Variants in PBRM1 observed in about 807,000 individuals in gnomAD.
The protein encoded by PBRM1 is polybromo 1.
In PBRM1, 27 loss-of-function variants were observed where a neutral mutation model predicts 194.5. That is an observed-to-expected ratio of 0.14 (90% CI 0.10 to 0.19). The LOEUF (loss-of-function observed/expected upper bound fraction) is 0.19, where lower values mean the gene tolerates loss of function less well. Ranked by LOEUF, PBRM1 falls within the 10% of genes least tolerant of loss-of-function variation. The pLI is 1.00. For synonymous variants in PBRM1, 655 were observed against 693.2 expected, an observed-to-expected ratio of 0.94 and a Z score of 0.87; for missense variants, 1,466 against 2,077.2, an observed-to-expected ratio of 0.71 and a Z score of 5.72.
chr3:52,594,543 G>C (rs1476837370), intron 17 of PBRM1, among the ~76,000 whole-genome samples: 7 of 152,140 alleles, frequency 4.6e-5, no homozygotes, highest in Admixed American at 4.6e-4. Context: ...TATCCAGCTT[G>C]CCACTCTTGT....
chr3:52,644,073 C>T (rs1363953429), intron 8 of PBRM1, among the ~76,000 whole-genome samples: 3 of 151,516 alleles, frequency 2.0e-5, no homozygotes, highest in African/African-American at 7.3e-5. Context: ...ATACATACTA[C>T]TAATATTATA....
intron 20 of PBRM1, among the ~76,000 whole-genome samples, chr3:52,581,373 G>A (rs568518778): frequency 6.6e-6 from 1 of 152,154 alleles, no homozygotes; most frequent in African/African-American, 2.4e-5. Context: ...AGCCAGGCAT[G>A]ATGGTGCGCG....
intron 23 of PBRM1, 33 bp downstream of exon 25, chr3:52,564,017 T>C (rs779525149): frequency 6.8e-7 from 1 of 1,464,648 alleles, no homozygotes; most frequent in South Asian, 1.2e-5. Context: ...TTAATGGAAG[T>C]GCTCTTTTTT....
chr3:52,664,900 G>C (rs2096800514), intron 3 of PBRM1, among the ~76,000 whole-genome samples: 1 of 152,056 alleles, frequency 6.6e-6, no homozygotes, highest in Admixed American at 6.6e-5. Flanking sequence ...TTCCAAAGAT[G>C]ATGAGAAACA....
intron 29 of PBRM1, 57 bp from the exon 32 acceptor site, chr3:52,548,292 C>T: frequency 7.1e-7 from 1 of 1,406,670 alleles, no homozygotes; most frequent in African/African-American, 1.5e-5. Context: ...CAAAATTTCC[C>T]TCAGTTCTAA....
chr3:52,650,959 C>T (rs914507565), intron 6 of PBRM1, among the ~76,000 whole-genome samples: 1 of 152,144 alleles, frequency 6.6e-6, no homozygotes, highest in Non-Finnish European at 1.5e-5. Context: ...CTACTCTGTA[C>T]AGAAACAGTA....
chr3:52,673,052 A>G (rs1380748770), intron 2 of PBRM1, among the ~76,000 whole-genome samples: 1 of 151,408 alleles, frequency 6.6e-6, no homozygotes, highest in African/African-American at 2.4e-5. Flanking sequence ...CAATGGTGCA[A>G]TCTCAGCTCA....
chr3:52,606,189 G>C (rs886618956), intron 16 of PBRM1, among the ~76,000 whole-genome samples: 1 of 151,786 alleles, frequency 6.6e-6, no homozygotes, highest in Non-Finnish European at 1.5e-5. Context: ...ATTTTAAGTA[G>C]AGCTAAGGAA....
intron 3 of PBRM1, 32 bp downstream of exon 4, chr3:52,668,466 T>C (rs374028796): frequency 2.7e-5 from 40 of 1,494,950 alleles, no homozygotes; most frequent in African/African-American, 1.0e-4. Flanking sequence ...TATCTTCCAA[T>C]TGGTATCTTT....
chr3:52,662,021 T>C (rs2096735771), intron 4 of PBRM1, 112 bp downstream of exon 5: 2 of 1,058,240 alleles, frequency 1.9e-6, no homozygotes, highest in Non-Finnish European at 2.7e-6. Context: ...CAGTTACCAA[T>C]ACAATTGCAC....
At chr3:52,556,101 G>C (rs547715898) in intron 26 of PBRM1, among the ~76,000 whole-genome samples, 1 of 152,098 alleles carries the variant, frequency 6.6e-6, no homozygotes, top group Non-Finnish European at 1.5e-5. Flanking sequence ...TCAAATAGTG[G>C]AAAACTTCAG....
chr3:52,607,839 G>GTAATTGCTGAAATA (rs2094426253), intron 16 of PBRM1, among the ~76,000 whole-genome samples: 1 of 152,136 alleles, frequency 6.6e-6, no homozygotes, highest in African/African-American at 2.4e-5. Flanking sequence ...AATTGCTGAA[G>GTAATTGCTGAAATA]AACCATATTA....
chr3:52,614,241 G>C (rs1386762583), intron 15 of PBRM1, among the ~76,000 whole-genome samples: 2 of 151,882 alleles, frequency 1.3e-5, no homozygotes, highest in Non-Finnish European at 2.9e-5. Context: ...TGGGCCTGGT[G>C]GCGTACATCT....
At chr3:52,576,333 G>A (rs992360125) in intron 22 of PBRM1, among the ~76,000 whole-genome samples, 2 of 152,040 alleles carry the variant, frequency 1.3e-5, no homozygotes, top group Admixed American at 6.6e-5. Context: ...GAAAGGTTTG[G>A]TTGTGCCCTA....
At chr3:52,685,516 G>C (rs1421922749) in intron 1 of PBRM1, 1 of 151,990 alleles carries the variant, frequency 6.6e-6, no homozygotes, top group Non-Finnish European at 1.5e-5. Flanking sequence ...GGAGCGCGGG[G>C]AGTTTCCGAC....
rs1235908018 is a variant in PBRM1 at position 52,662,402 on chromosome 3, A to G, written c.385-126T>C. ...ACAAATTTTAACATCCTCATGATTAAAACATATATGGGTCCAAATCCCGCT... is the reference window on the plus strand; with the variant it reads ...ACAAATTTTAACATCCTCATGATTAGAACATATATGGGTCCAAATCCCGCT... On this transcript the variant is annotated intron_variant, in intron 3 of 29. Coordinates refer to ENST00000296302, the Ensembl canonical transcript of PBRM1. 4.2e-6 allele frequency: 3 copies of G among 708,508 alleles called. No individual in the cohort carries two copies. The East Asian group carries it at 8.0e-5, about 19-fold the overall frequency. 43.9% of individuals were successfully genotyped at this position (708,508 alleles called of 1,614,324 possible). A position where few individuals can be genotyped will look rare whatever the true frequency, so the allele number is the denominator to read the frequency against.
chr3:52,586,719 CTAGT>C, intron 19 of PBRM1, 31 bp from the exon 22 acceptor site: 1 of 630,616 alleles, frequency 1.6e-6, no homozygotes. Flanking sequence ...AAGAATAAAA[CTAGT>C]TAGGTGAATT....
At chr3:52,591,089 G>T (rs1187053385) in intron 17 of PBRM1, among the ~76,000 whole-genome samples, 1 of 152,188 alleles carries the variant, frequency 6.6e-6, no homozygotes, top group Non-Finnish European at 1.5e-5. Flanking sequence ...AAGAATGATA[G>T]TGATTTTTGT....
At chr3:52,668,163 G>A (rs1269555571) in intron 3 of PBRM1, among the ~76,000 whole-genome samples, 1 of 152,150 alleles carries the variant, frequency 6.6e-6, no homozygotes, top group African/African-American at 2.4e-5. Flanking sequence ...TGGGCATGGT[G>A]GCACGTGCCT....
Sources: gnomAD v4.1 joint callset for allele counts (sites outside exome capture counted in the v4.1 genomes callset) on GRCh38, gnomAD v4.1.1 for gene constraint, MANE v1.5 for transcripts, NCBI Gene and HGNC (gene_info 2026-07-23, HGNC 2026-07-21) for gene names.